PCDHGA3: variants seen among roughly 807,000 people sequenced by gnomAD.
The protein encoded by PCDHGA3 is protocadherin gamma-A3.
In PCDHGA3, 40 loss-of-function variants were observed where a neutral mutation model predicts 58.5. The ratio of observed to expected loss-of-function variants is 0.68; its 90% CI spans 0.53 to 0.89. PCDHGA3 has a LOEUF of 0.89. Ranked by LOEUF, PCDHGA3 falls within the 40% of genes least tolerant of loss-of-function variation. PCDHGA3 has a pLI of 0.00. For missense variants in PCDHGA3, 1,223 were observed against 1,195.9 expected, an observed-to-expected ratio of 1.02 and a Z score of -0.33; for synonymous variants, 530 against 525.7, an observed-to-expected ratio of 1.01 and a Z score of -0.11.
At chr5:141,370,286 A>G in intron 1 of PCDHGA3, 1 of 968,422 alleles carries the variant, frequency 1.0e-6, no homozygotes, top group Admixed American at 2.9e-5. Context: ...CCATTAGAGA[A>G]CCCAAGCACA....
At chr5:141,383,288 T>A (rs1441416956) in intron 1 of PCDHGA3, 2 of 1,613,768 alleles carry the variant, frequency 1.2e-6, no homozygotes, top group Middle Eastern at 1.6e-4. Flanking sequence ...AATGACAACG[T>A]TCCAAGATTC....
chr5:141,400,290 C>T, intron 1 of PCDHGA3: 3 of 1,614,090 alleles, frequency 1.9e-6, no homozygotes, highest in Non-Finnish European at 2.5e-6. Context: ...CCGCCTGGAG[C>T]TGCTTCCAAC....
chr5:141,398,799 C>A, intron 1 of PCDHGA3: 1 of 1,613,966 alleles, frequency 6.2e-7, no homozygotes, highest in South Asian at 1.1e-5. Context: ...CCCTAAGCGG[C>A]ACCACTGAGC....
chr5:141,430,837 C>T (rs1350348914), intron 1 of PCDHGA3: 4 of 1,559,956 alleles, frequency 2.6e-6, no homozygotes, highest in South Asian at 2.5e-5. Context: ...TGTGGGAGAC[C>T]GGATGCACCC....
At chr5:141,352,337 G>A (rs1758984198) in intron 1 of PCDHGA3, 4 of 1,613,934 alleles carry the variant, frequency 2.5e-6, no homozygotes, top group African/African-American at 2.7e-5. Context: ...TGTGGCCTTG[G>A]CCTTGATCTC....
chr5:141,476,137 G>A lies in PCDHGA3; in HGVS notation c.2425-18670G>A. The A allele has an allele frequency of 1.2e-6, 2 of 1,609,204 alleles. No homozygotes were observed. The highest frequency in any genetic ancestry group is 1.7e-6 in the Non-Finnish European group (2 of 1,178,592). On this transcript the variant is annotated intron_variant, in intron 1 of 3. Coordinates refer to ENST00000253812, the MANE Select transcript of PCDHGA3 (RefSeq NM_018916.4). The surrounding 1 kb of genome is among the most constrained non-coding windows in gnomAD (Gnocchi z 7.6). ...GTGAGATGGTCCCAGAGGCCTGGAGGAGCGGACTGGTAAGCACCGGGAGGG... is the reference window on the plus strand; with the variant it reads ...GTGAGATGGTCCCAGAGGCCTGGAGAAGCGGACTGGTAAGCACCGGGAGGG...
At chr5:141,456,827 G>A (rs183303757) in intron 1 of PCDHGA3, among the ~76,000 whole-genome samples, 13 of 152,236 alleles carry the variant, frequency 8.5e-5, no homozygotes, top group South Asian at 2.1e-4. Flanking sequence ...AGCCATCGTG[G>A]TAGTGGGCGC....
intron 1 of PCDHGA3, chr5:141,383,326 A>G: frequency 6.2e-7 from 1 of 1,614,030 alleles, no homozygotes; most frequent in Non-Finnish European, 8.5e-7. Flanking sequence ...TGTAAAAATA[A>G]TGGAGAATAC....
At position 141,431,684 on chromosome 5, in the gene PCDHGA3, C is replaced by A. The variant is rs1017231854; in HGVS notation, c.2425-63123C>A. On this transcript the variant is annotated intron_variant, in intron 1 of 3. Transcript: ENST00000253812. This position sits in a 1 kb window ranked among gnomAD's most constrained non-coding sequence, Gnocchi z 4.8. Reference sequence around the variant, plus strand: ...AATATCAACAATAGGGGAGTTGGACCACGAGGAGTCAGGATTCTACCAGAT... The same window carrying A: ...AATATCAACAATAGGGGAGTTGGACAACGAGGAGTCAGGATTCTACCAGAT... The A allele has an allele frequency of 1.9e-6, 3 of 1,614,186 alleles. No homozygotes were observed. Among genetic ancestry groups the A allele is most frequent in the Admixed American group, 1.7e-5 (1 of 60,032 alleles).
At chr5:141,443,977 AT>A (rs1443967001) in intron 1 of PCDHGA3, among the ~76,000 whole-genome samples, 1 of 152,020 alleles carries the variant, frequency 6.6e-6, no homozygotes, top group African/African-American at 2.4e-5. Context: ...CATCTAAGCT[AT>A]GTTAATTTTA....
intron 1 of PCDHGA3, chr5:141,399,261 T>G: frequency 1.2e-6 from 2 of 1,613,918 alleles, no homozygotes; most frequent in Non-Finnish European, 1.7e-6. Context: ...ATGGGGAGGT[T>G]AATTGTCAAT....
chr5:141,415,744 T>TTTTTG, intron 1 of PCDHGA3: 1 of 404,416 alleles, frequency 2.5e-6, no homozygotes, highest in Non-Finnish European at 3.0e-6. Context: ...ATTAAGGTTT[T>TTTTTG]TTTTTTTTTT....
intron 1 of PCDHGA3, chr5:141,364,225 G>T (rs1763227856): frequency 2.9e-6 from 4 of 1,362,414 alleles, no homozygotes; most frequent in Non-Finnish European, 3.9e-6. Flanking sequence ...AAAAGCCAAC[G>T]CTCCACGCCC....
intron 1 of PCDHGA3, among the ~76,000 whole-genome samples, chr5:141,472,402 G>T (rs569497172): frequency 6.6e-6 from 1 of 152,042 alleles, no homozygotes; most frequent in Non-Finnish European, 1.5e-5. Context: ...TTAGCCAGGC[G>T]TGGTGGCACG....
rs770630741 is a variant in PCDHGA3, at chr5:141,381,826, C to CTTTTT, written c.2424+35387_2424+35391dup. On this transcript the variant is annotated intron_variant, in intron 1 of 3. Coordinates refer to ENST00000253812, the MANE Select transcript of PCDHGA3 (RefSeq NM_018916.4). ...TTTCTTTCTTTCTTTCTTTCTTCTT[C>CTTTTT]TTTTTTTTTTTTTTTTTTTTTTGGC... Among the ~76,000 whole-genome samples, 477 of 74,206 alleles carry CTTTTT rather than the reference C, an allele frequency of 6.4e-3. 7 individuals are homozygous for CTTTTT. Among genetic ancestry groups the CTTTTT allele is most frequent in the African/African-American group, 7.2e-3 (117 of 16,174 alleles). The allele number at this position is 74,206 out of a possible 152,430, so 48.7% of individuals were successfully genotyped here.
At chr5:141,506,308 G>A (rs941724820) in intron 3 of PCDHGA3, among the ~76,000 whole-genome samples, 8 of 152,100 alleles carry the variant, frequency 5.3e-5, no homozygotes. Flanking sequence ...AATTAGCTGG[G>A]CATGGTGGTG....
In PCDHGA3 at chr5:141,511,233, T is replaced by C. The variant is rs776405064; in HGVS notation, c.*60T>C. 5.0e-6 allele frequency: 8 copies of C among 1,595,310 alleles called. No homozygotes were observed. Among genetic ancestry groups the C allele is most frequent in the Non-Finnish European group, 6.8e-6 (8 of 1,170,902 alleles). On this transcript the variant is annotated 3_prime_UTR_variant, in exon 4 of 4. Transcript: ENST00000253812. ...CTCCCCAACCAGCCCAGCTTCTCCT[T>C]ACCTGCACCCAGGCCTCAGAGTTTC...
chr5:141,388,712 G>C (rs1345089798), intron 1 of PCDHGA3: 6 of 1,613,868 alleles, frequency 3.7e-6, no homozygotes, highest in Non-Finnish European at 5.1e-6. Flanking sequence ...TCAATGCCGA[G>C]ATTACTTTCT....
In PCDHGA3 at chr5:141,476,352, T is replaced by C. The variant is rs2099389565; in HGVS notation, c.2425-18455T>C. The C allele has an allele frequency of 1.2e-6, 2 of 1,613,826 alleles. No individual in the cohort carries two copies. Among genetic ancestry groups the C allele is most frequent in the African/African-American group, 1.3e-5 (1 of 74,852 alleles). On this transcript the variant is annotated intron_variant, in intron 1 of 3. Transcript: ENST00000253812. The surrounding 1 kb of genome is among the most constrained non-coding windows in gnomAD (Gnocchi z 7.6). ...GGAGCTAGCCGAAGATTCTTTGAGG[T>C]GAACCGGGAGACCGGAGAGATGTTT...
Sources: gnomAD v4.1 joint callset for allele counts (sites outside exome capture counted in the v4.1 genomes callset) on GRCh38, gnomAD v4.1.1 for gene constraint, Gnocchi (gnomAD v3.1) non-coding constraint, MANE v1.5 for transcripts, NCBI Gene and HGNC (gene_info 2026-07-23, HGNC 2026-07-21) for gene names.